Variants in DNM3 observed in about 807,000 individuals in gnomAD.
DNM3 encodes dynamin-3.
In DNM3, 47 loss-of-function variants were observed where a neutral mutation model predicts 101.6. The observed-to-expected ratio is 0.46, with a 90% CI of 0.37 to 0.59. The LOEUF (loss-of-function observed/expected upper bound fraction) is 0.59, where lower values mean the gene tolerates loss of function less well. Among genes scored for constraint, DNM3 ranks in the 20% least tolerant of loss-of-function variants. DNM3 has a pLI of 0.00. For synonymous variants in DNM3, 385 were observed against 387.9 expected, an observed-to-expected ratio of 0.99 and a Z score of 0.09; for missense variants, 849 against 1,085.7, an observed-to-expected ratio of 0.78 and a Z score of 3.06.
At chr1:172,279,983 T>A (rs1023706882) in intron 15 of DNM3, among the ~76,000 whole-genome samples, 3 of 152,316 alleles carry the variant, frequency 2.0e-5, no homozygotes, top group African/African-American at 7.2e-5. Flanking sequence ...AAATTTATCA[T>A]GGCCTATGAG....
intron 2 of DNM3, among the ~76,000 whole-genome samples, chr1:171,962,124 GTAACCCATTAGT>G (rs2043254661): frequency 6.6e-6 from 1 of 152,118 alleles, no homozygotes; most frequent in Non-Finnish European, 1.5e-5. Flanking sequence ...CATCCTCATG[GTAACCCATTAGT>G]TAACCCATGA....
At chr1:171,953,435 T>G (rs1187776121) in intron 2 of DNM3, among the ~76,000 whole-genome samples, 1 of 151,710 alleles carries the variant, frequency 6.6e-6, no homozygotes, top group Non-Finnish European at 1.5e-5. Context: ...TTTTTTTTTT[T>G]TTTTCCTCCC....
intron 17 of DNM3, among the ~76,000 whole-genome samples, chr1:172,375,931 G>A (rs1435912459): frequency 6.6e-6 from 1 of 151,480 alleles, no homozygotes; most frequent in Non-Finnish European, 1.5e-5. Context: ...GTTCGAGACT[G>A]CAGTGAGCTA....
chr1:172,205,554 T>G (rs1193254064), intron 14 of DNM3, among the ~76,000 whole-genome samples: 1 of 152,098 alleles, frequency 6.6e-6, no homozygotes, highest in East Asian at 1.9e-4. Context: ...TGATACATTT[T>G]TGTGAAAAAA....
chr1:172,043,789 G>A (rs2049572697), intron 8 of DNM3, among the ~76,000 whole-genome samples: 1 of 152,202 alleles, frequency 6.6e-6, no homozygotes, highest in African/African-American at 2.4e-5. Context: ...TGAACTCAAT[G>A]TTCTTGGGCT....
intron 15 of DNM3, among the ~76,000 whole-genome samples, chr1:172,261,359 T>C (rs1026687820): frequency 5.3e-5 from 8 of 151,938 alleles, no homozygotes; most frequent in African/African-American, 1.7e-4. Flanking sequence ...AGTGGTGTAG[T>C]CTCTGTATGA....
intron 7 of DNM3, among the ~76,000 whole-genome samples, chr1:172,039,436 A>T (rs2049205319): frequency 6.6e-6 from 1 of 152,104 alleles, no homozygotes; most frequent in Admixed American, 6.5e-5. Flanking sequence ...TTTCCTCATT[A>T]AAAATATTAT....
chr1:172,270,100 A>G (rs2063026417), intron 15 of DNM3, among the ~76,000 whole-genome samples: 1 of 152,204 alleles, frequency 6.6e-6, no homozygotes, highest in Non-Finnish European at 1.5e-5. Context: ...AAAAAGTCCA[A>G]AGAGGATTAT....
At chr1:172,133,969 G>T (rs2057081789) in intron 14 of DNM3, among the ~76,000 whole-genome samples, 1 of 152,188 alleles carries the variant, frequency 6.6e-6, no homozygotes, top group Non-Finnish European at 1.5e-5. Context: ...TGTTCCAACA[G>T]GTTGTGACAT....
chr1:171,897,914 G>A (rs1221414314), intron 1 of DNM3, among the ~76,000 whole-genome samples: 1 of 142,064 alleles, frequency 7.0e-6, no homozygotes, highest in African/African-American at 2.5e-5. Flanking sequence ...TTCTAGGTCT[G>A]CGGTTCATTT....
intron 15 of DNM3, among the ~76,000 whole-genome samples, chr1:172,304,751 A>C (rs542693625): frequency 6.6e-6 from 1 of 152,228 alleles, no homozygotes; most frequent in Non-Finnish European, 1.5e-5. Context: ...GCTCAACTAC[A>C]TGAAACTGAA....
chr1:172,393,076 T>G (rs1301248651), intron 20 of DNM3: 2 of 152,246 alleles, frequency 1.3e-5, no homozygotes, highest in African/African-American at 4.8e-5. Flanking sequence ...TTGACTTATG[T>G]GGCACACTTT....
At chr1:172,393,021 C>T (rs1380201349) in intron 20 of DNM3, 2 of 152,204 alleles carry the variant, frequency 1.3e-5, no homozygotes, top group African/African-American at 4.8e-5. Context: ...CAAGATTATT[C>T]CAGAGTGTCT....
At chr1:172,306,865 G>C (rs533310566) in intron 15 of DNM3, among the ~76,000 whole-genome samples, 1 of 152,094 alleles carries the variant, frequency 6.6e-6, no homozygotes, top group Non-Finnish European at 1.5e-5. Context: ...ACACCTTATA[G>C]AAAAATTAAT....
intron 15 of DNM3, among the ~76,000 whole-genome samples, chr1:172,255,884 A>G (rs1174575932): frequency 1.3e-5 from 2 of 152,086 alleles, no homozygotes; most frequent in African/African-American, 4.8e-5. Flanking sequence ...TCAGGTGAAG[A>G]TTTCTTGTGT....
At chr1:172,299,004 T>A (rs72721190) in intron 15 of DNM3, among the ~76,000 whole-genome samples, 1,854 of 152,228 alleles carry the variant, frequency 0.012, 28 homozygotes, top group Admixed American at 0.036. Context: ...GAAAAATGTA[T>A]GACAGAGGAG....
At chr1:172,123,355 A>G (rs1335986833) in intron 13 of DNM3, among the ~76,000 whole-genome samples, 1 of 152,110 alleles carries the variant, frequency 6.6e-6, no homozygotes. Context: ...GTGAAAATCT[A>G]TTTTCTACCA....
chr1:171,884,646 G>A (rs2036605662), intron 1 of DNM3, among the ~76,000 whole-genome samples: 1 of 152,186 alleles, frequency 6.6e-6, no homozygotes, highest in Non-Finnish European at 1.5e-5. Flanking sequence ...CACTCATATG[G>A]TTGGCTGGGG....
At chr1:172,019,393 A>T (rs1449160113) in intron 4 of DNM3, among the ~76,000 whole-genome samples, 1 of 147,328 alleles carries the variant, frequency 6.8e-6, no homozygotes, top group African/African-American at 2.5e-5. Flanking sequence ...GCAATCCTTT[A>T]CTTCTTTCAA....
Sources: gnomAD v4.1 joint callset for allele counts (sites outside exome capture counted in the v4.1 genomes callset) on GRCh38, gnomAD v4.1.1 for gene constraint, MANE v1.5 for transcripts, NCBI Gene and HGNC (gene_info 2026-07-23, HGNC 2026-07-21) for gene names.